ZNF66: variants seen among roughly 807,000 people sequenced by gnomAD.
ZNF66 encodes the protein putative zinc finger protein 66.
ZNF66 carries 32 observed loss-of-function variants against 35.2 expected under a neutral mutation model. The ratio of observed to expected loss-of-function variants is 0.91; its 90% CI spans 0.69 to 1.22. ZNF66 has a LOEUF of 1.22. Ranked by LOEUF, ZNF66 falls within the 50% of genes most tolerant of loss-of-function variation. The pLI, the probability that ZNF66 is intolerant of heterozygous loss-of-function variation, is 0.00. For missense variants in ZNF66, 666 were observed against 543.1 expected (o/e 1.23, Z -2.25); for synonymous variants, 231 against 181.3 (o/e 1.27, Z -2.20).
In ZNF66 at chr19:20,806,118, G is replaced by T. The variant is rs432839; in HGVS notation, c.518G>T (p.Cys173Phe). 0.099 allele frequency: 101,378 copies of T among 1,025,366 alleles called. 5,174 individuals carry two copies. The highest frequency in any genetic ancestry group is 0.11 in the Non-Finnish European group (70,741 of 653,114). 63.5% of individuals were successfully genotyped at this position (1,025,366 alleles called of 1,614,324 possible). The change falls in exon 4 of 4, where the codon TGC (cysteine) becomes TTC (phenylalanine). Residue 173 changes from cysteine (C) to phenylalanine (F), a missense_variant. Coordinates refer to ENST00000344519, the MANE Select transcript of ZNF66 (RefSeq NM_001355197.2). ...HKIRHTGKNPCKFTECGKAFN... is the reference protein window; with the variant it reads ...HKIRHTGKNPFKFTECGKAFN... The stretch of plus-strand genomic sequence containing the variant: ...ATAAGACATACTGGAAAAAACCCTT[G>T]CAAATTTACAGAATGTGGCAAAGCT...
rs878944111 is a variant in ZNF66, at chr19:20,806,203, T to A, written c.603T>A (p.Tyr201Ter). 2.2e-6 allele frequency: 3 copies of A among 1,345,534 alleles called. No individual in the cohort carries two copies. Among genetic ancestry groups the A allele is most frequent in the Non-Finnish European group, 3.2e-6 (3 of 937,456 alleles). 83.3% of individuals were successfully genotyped at this position (1,345,534 alleles called of 1,614,324 possible). ...AAATTCATACTGGAGAGAAACCCTA[T>A]AAATGTATAGAATGTGGCAAAGCCT... ...HKKIHTGEKPYKCIECGKAFN... is the reference protein window; with the variant it reads ...HKKIHTGEKP The change falls in exon 4 of 4, where the codon TAT (tyrosine) becomes TAA (stop). Residue 201 changes from tyrosine (Y) to a stop codon, truncating the protein, a stop_gained. Transcript: ENST00000344519. LOFTEE classifies it high-confidence loss of function.
intron 3 of ZNF66, among the ~76,000 whole-genome samples, chr19:20,795,555 A>G (rs1164572251): frequency 1.3e-5 from 2 of 150,972 alleles, no homozygotes; most frequent in Non-Finnish European, 3.0e-5. Flanking sequence ...TTAGTAGAGA[A>G]GGTGTTTCTC....
In ZNF66 at chr19:20,807,341, T is replaced by C. The variant is rs574165928; in HGVS notation, c.*19T>C. On this transcript the variant is annotated 3_prime_UTR_variant, in exon 4 of 4. Transcript: ENST00000344519. ...GCCTTAGACACTCCTCTACCCTTAC[T>C]AGACATAAGATAATTCATACTGGAG... 5.1e-5 allele frequency: 31 copies of C among 608,870 alleles called. No homozygotes were observed. In the African/African-American group the frequency reaches 5.2e-4, roughly 10 times the overall value. 37.7% of individuals were successfully genotyped at this position (608,870 alleles called of 1,614,324 possible).
chr19:20,788,134 C>T (rs922151278), intron 1 of ZNF66, among the ~76,000 whole-genome samples: 7 of 152,062 alleles, frequency 4.6e-5, no homozygotes, highest in Non-Finnish European at 7.3e-5. Flanking sequence ...CTCCAGTTTC[C>T]TGTTACTTGG....
At chr19:20,800,336 G>T (rs79954800) in intron 3 of ZNF66, among the ~76,000 whole-genome samples, 2,864 of 152,286 alleles carry the variant, frequency 0.019, 39 homozygotes, top group Non-Finnish European at 0.028. Context: ...TTGGGTATGT[G>T]TCCTAACAGA....
chr19:20,791,242 T>C (rs1251563055), intron 1 of ZNF66, among the ~76,000 whole-genome samples: 2 of 152,150 alleles, frequency 1.3e-5, no homozygotes, highest in Admixed American at 6.5e-5. Flanking sequence ...CCCAGCACTT[T>C]GGGAGGTCAA....
rs141697329 is a variant in ZNF66 at position 20,806,935 on chromosome 19, A to G, written c.1335A>G (p.Ile445Met). ...CCTCTATTCTTACTACACATAAGATAATTCACACTGGAGAGAAACCCTACG... is the reference window on the plus strand; with the variant it reads ...CCTCTATTCTTACTACACATAAGATGATTCACACTGGAGAGAAACCCTACG... ...SRSSILTTHKIIHTGEKPYEC... is the reference protein window; with the variant it reads ...SRSSILTTHKMIHTGEKPYEC... The change falls in exon 4 of 4, where the codon ATA (isoleucine) becomes ATG (methionine). Residue 445 changes from isoleucine (I) to methionine (M), a missense_variant. Physicochemically the swap from Ile to Met is conservative, Grantham distance 10. Coordinates refer to ENST00000344519, the MANE Select transcript of ZNF66 (RefSeq NM_001355197.2). 1 of 1,179,244 alleles carries G rather than the reference A, an allele frequency of 8.5e-7. No homozygotes were observed. Among genetic ancestry groups the G allele is most frequent in the Non-Finnish European group, 1.3e-6 (1 of 784,892 alleles). 73.0% of individuals were successfully genotyped at this position (1,179,244 alleles called of 1,614,324 possible). A position where few individuals can be genotyped will look rare whatever the true frequency, so the allele number is the denominator to read the frequency against.
chr19:20,805,610 G>T (rs570639454), intron 3 of ZNF66, among the ~76,000 whole-genome samples: 1 of 151,930 alleles, frequency 6.6e-6, no homozygotes, highest in East Asian at 1.9e-4. Context: ...CTCACCTTGG[G>T]CCCTTCATAC....
At chr19:20,778,815 A>G (rs1168175127) in intron 1 of ZNF66, among the ~76,000 whole-genome samples, 1 of 152,092 alleles carries the variant, frequency 6.6e-6, no homozygotes, top group Non-Finnish European at 1.5e-5. Flanking sequence ...GAACCTTAAA[A>G]TTTCCTTCCC....
intron 3 of ZNF66, among the ~76,000 whole-genome samples, chr19:20,805,404 G>GGCT (rs1432604040): frequency 2.6e-5 from 4 of 152,098 alleles, no homozygotes; most frequent in Admixed American, 1.3e-4. Flanking sequence ...ATCTTGGCCA[G>GGCT]GCTGCCTTTG....
chr19:20,806,827 C>A lies in ZNF66; in HGVS notation c.1227C>A (p.Ser409=), dbSNP rs1003846982. The A allele has an allele frequency of 1.5e-6, 2 of 1,302,306 alleles. No individual in the cohort carries two copies. Among genetic ancestry groups the A allele is most frequent in the Non-Finnish European group, 2.2e-6 (2 of 899,496 alleles). 80.7% of individuals were successfully genotyped at this position (1,302,306 alleles called of 1,614,324 possible). A position where few individuals can be genotyped will look rare whatever the true frequency, so the allele number is the denominator to read the frequency against. ...CEECGKVFKH[S]SPLSKHKRIH... ...AATGTGGCAAAGTGTTTAAGCACTC[C>A]TCTCCCCTTTCTAAACATAAGAGAA... Residue 409 remains serine, a synonymous_variant, in exon 4 of 4, where the codon TCC becomes TCA. Transcript: ENST00000344519.
chr19:20,787,909 T>C (rs139309936), intron 1 of ZNF66, among the ~76,000 whole-genome samples: 2,738 of 152,324 alleles, frequency 0.018, 51 homozygotes, highest in Non-Finnish European at 0.025. Flanking sequence ...TCCAGCCTGG[T>C]TGATCATTGG....
chr19:20,807,749 G>A lies in ZNF66; in HGVS notation c.*427G>A, dbSNP rs1971537651. 6.6e-6 allele frequency among the ~76,000 whole-genome samples: 1 copy of A among 152,080 alleles called. No individual in the cohort carries two copies. Among genetic ancestry groups the A allele is most frequent in the Non-Finnish European group, 1.5e-5 (1 of 68,036 alleles). On this transcript the variant is annotated 3_prime_UTR_variant, in exon 4 of 4. Coordinates refer to ENST00000344519, the MANE Select transcript of ZNF66 (RefSeq NM_001355197.2). Reference sequence around the variant, plus strand: ...GGGGTGGAGCCAAGATGGCTGAATAGGTACAGCTCCTGTCTACAGCTCCCA... The same window carrying A: ...GGGGTGGAGCCAAGATGGCTGAATAAGTACAGCTCCTGTCTACAGCTCCCA...
At chr19:20,777,452 A>ATTTT (rs756548895) in intron 1 of ZNF66, among the ~76,000 whole-genome samples, 3,761 of 123,076 alleles carry the variant, frequency 0.031, 125 homozygotes, top group Admixed American at 0.076. Context: ...TTGAGCTTAG[A>ATTTT]TTTTTTTTTT....
At position 20,795,980 on chromosome 19, in the gene ZNF66, C is replaced by T. The variant is rs1347829619; in HGVS notation, c.226+2102C>T. On this transcript the variant is annotated intron_variant, in intron 3 of 3. Transcript: ENST00000344519. ...TCCCACCTGACTAAGGGCAGGTTCT[C>T]TTCTGAATAGAACACTTCTCAATCT... Among the ~76,000 whole-genome samples the T allele has an allele frequency of 4.6e-5, 7 of 152,310 alleles. No individual in the cohort carries two copies. In the East Asian group the frequency reaches 1.2e-3, roughly 25 times the overall value.
intron 3 of ZNF66, among the ~76,000 whole-genome samples, chr19:20,804,967 T>C (rs1000616160): frequency 1.3e-5 from 2 of 152,184 alleles, no homozygotes; most frequent in Admixed American, 1.3e-4. Flanking sequence ...ATCCAACTTA[T>C]ATCGTCATTT....
At chr19:20,791,846 T>C (rs1206754170) in intron 1 of ZNF66, among the ~76,000 whole-genome samples, 1 of 152,182 alleles carries the variant, frequency 6.6e-6, no homozygotes, top group Non-Finnish European at 1.5e-5. Flanking sequence ...TTTTACTATA[T>C]AGCTAATTAT....
chr19:20,781,587 T>G (rs8101211), intron 1 of ZNF66, among the ~76,000 whole-genome samples: 98,032 of 151,356 alleles, frequency 0.65, 31,891 homozygotes, highest in Non-Finnish European at 0.67. Context: ...TAGGCTCACC[T>G]CAACTTCCAC....
intron 3 of ZNF66, among the ~76,000 whole-genome samples, chr19:20,795,877 G>C (rs952748116): frequency 6.6e-6 from 1 of 152,178 alleles, no homozygotes; most frequent in African/African-American, 2.4e-5. Context: ...TGGTTACAGA[G>C]TAAGTTCAGA....
Sources: gnomAD v4.1 joint callset for allele counts (sites outside exome capture counted in the v4.1 genomes callset) on GRCh38, gnomAD v4.1.1 for gene constraint, MANE v1.5 for transcripts, NCBI Gene and HGNC (gene_info 2026-07-23, HGNC 2026-07-21) for gene names.